The following REDIC1 variants were observed in gnomAD, a reference collection of about 807,000 sequenced individuals.
The protein encoded by REDIC1 is regulator of DNA class I crossover intermediates 1.
the REDIC1 span, among the ~76,000 whole-genome samples, chr12:39,766,802 T>C: frequency 6.6e-6 from 1 of 152,082 alleles, no homozygotes; most frequent in Non-Finnish European, 1.5e-5. Context: ...AAGAAACAAC[T>C]CCTTATCCGT....
chr12:39,682,205 G>A, the REDIC1 span, among the ~76,000 whole-genome samples: 1 of 151,946 alleles, frequency 6.6e-6, no homozygotes, highest in African/African-American at 2.4e-5. Flanking sequence ...TTGATTTTAT[G>A]TTTTAACACT....
At chr12:39,809,670 C>A in the REDIC1 span, among the ~76,000 whole-genome samples, 1 of 152,164 alleles carries the variant, frequency 6.6e-6, no homozygotes, top group South Asian at 2.1e-4. Flanking sequence ...CCCCACCCCA[C>A]AACAGTCTCT....
At chr12:39,731,121 T>C in the REDIC1 span, among the ~76,000 whole-genome samples, 12 of 152,052 alleles carry the variant, frequency 7.9e-5, no homozygotes, top group Admixed American at 2.0e-4. Flanking sequence ...CTCGGAGGAG[T>C]TTGTTATTAC....
chr12:39,799,209 A>G, the REDIC1 span, among the ~76,000 whole-genome samples: 1 of 141,390 alleles, frequency 7.1e-6, no homozygotes, highest in East Asian at 2.1e-4. Context: ...TCTACCTTGG[A>G]CTCTCGAGTA....
At chr12:39,696,823 A>G in the REDIC1 span, among the ~76,000 whole-genome samples, 1 of 152,298 alleles carries the variant, frequency 6.6e-6, no homozygotes, top group African/African-American at 2.4e-5. Context: ...AGAACTGATC[A>G]AGCAGCACAA....
At chr12:39,684,908 G>GGGACTTT in the REDIC1 span, 1 of 1,612,228 alleles carries the variant, frequency 6.2e-7, no homozygotes, top group East Asian at 2.2e-5. Context: ...AAGCAGTCAT[G>GGGACTTT]GGACTTTGGA....
the REDIC1 span, among the ~76,000 whole-genome samples, chr12:39,797,584 C>T: frequency 7.2e-5 from 11 of 151,978 alleles, no homozygotes; most frequent in African/African-American, 2.7e-4. Flanking sequence ...CAACTTCGTC[C>T]CTTTTGTTGT....
the REDIC1 span, among the ~76,000 whole-genome samples, chr12:39,722,575 T>A: frequency 1.3e-5 from 2 of 152,160 alleles, no homozygotes; most frequent in Non-Finnish European, 2.9e-5. Flanking sequence ...AATTTTGGGT[T>A]GGTTTCAAAT....
the REDIC1 span, chr12:39,682,682 A>G: frequency 6.2e-7 from 1 of 1,612,380 alleles, no homozygotes; most frequent in South Asian, 1.1e-5. Flanking sequence ...AGCACGGATG[A>G]AATAAGACAG....
the REDIC1 span, among the ~76,000 whole-genome samples, chr12:39,632,767 G>C: frequency 6.6e-6 from 1 of 152,162 alleles, no homozygotes; most frequent in South Asian, 2.1e-4. Flanking sequence ...TTACTGTACT[G>C]AATATTGTAG....
the REDIC1 span, among the ~76,000 whole-genome samples, chr12:39,799,081 CTTT>C: frequency 2.2e-5 from 3 of 133,498 alleles, no homozygotes; most frequent in African/African-American, 2.8e-5. Context: ...TTTTTTTTTC[CTTT>C]TTTTTTTTTT....
At chr12:39,652,473 C>T in the REDIC1 span, among the ~76,000 whole-genome samples, 1 of 152,096 alleles carries the variant, frequency 6.6e-6, no homozygotes, top group African/African-American at 2.4e-5. Context: ...TTGCATTTCT[C>T]TAATGACTAA....
the REDIC1 span, among the ~76,000 whole-genome samples, chr12:39,868,790 T>C: frequency 6.6e-6 from 1 of 152,292 alleles, no homozygotes; most frequent in African/African-American, 2.4e-5. Context: ...TGAACAAGCT[T>C]TGAAAATACA....
chr12:39,818,246 G>C, the REDIC1 span, among the ~76,000 whole-genome samples: 35 of 151,936 alleles, frequency 2.3e-4, no homozygotes, highest in African/African-American at 8.0e-4. Context: ...CTGAGGAGTT[G>C]ATTTTTGAAA....
the REDIC1 span, among the ~76,000 whole-genome samples, chr12:39,783,035 G>T: frequency 2.6e-5 from 4 of 151,632 alleles, no homozygotes; most frequent in African/African-American, 9.7e-5. Context: ...CCCACCCCAC[G>T]ACAGGCCCTG....
the REDIC1 span, among the ~76,000 whole-genome samples, chr12:39,833,123 G>A: frequency 6.6e-6 from 1 of 151,948 alleles, no homozygotes; most frequent in Non-Finnish European, 1.5e-5. Flanking sequence ...GAAAAATCTG[G>A]CGTACCACTT....
the REDIC1 span, among the ~76,000 whole-genome samples, chr12:39,704,852 C>T: frequency 0.6 from 91,406 of 151,572 alleles, 29,188 homozygotes; most frequent in Non-Finnish European, 0.71. Flanking sequence ...TATTCTCACT[C>T]ATAGGTGGGA....
chr12:39,656,287 T>G, the REDIC1 span, among the ~76,000 whole-genome samples: 1 of 152,208 alleles, frequency 6.6e-6, no homozygotes, highest in Non-Finnish European at 1.5e-5. Context: ...ATAACAATGT[T>G]TCAGTCAACA....
At chr12:39,850,342 A>G in the REDIC1 span, among the ~76,000 whole-genome samples, 1 of 152,186 alleles carries the variant, frequency 6.6e-6, no homozygotes, top group African/African-American at 2.4e-5. Context: ...ATAAATATAA[A>G]GAAAGTATAG....
Sources: gnomAD v4.1 joint callset for allele counts (sites outside exome capture counted in the v4.1 genomes callset) on GRCh38, gnomAD v4.1.1 for gene constraint, MANE v1.5 for transcripts, NCBI Gene and HGNC (gene_info 2026-07-23, HGNC 2026-07-21) for gene names.